Variants in GCNT1 observed in about 807,000 individuals in gnomAD.
The protein encoded by GCNT1 is glucosaminyl (N-acetyl) transferase 1.
In GCNT1, 16 loss-of-function variants were observed where a neutral mutation model predicts 26.2. The ratio of observed to expected loss-of-function variants is 0.61; its 90% confidence interval spans 0.41 to 0.93. GCNT1 has a LOEUF of 0.93. Among genes scored for constraint, GCNT1 ranks in the 40% least tolerant of loss-of-function variants. The probability of loss-of-function intolerance (pLI) is 0.00; values close to 1 mark genes in which losing one functional copy is unlikely to be tolerated. For missense variants in GCNT1, 477 were observed against 526.7 expected (o/e 0.91, Z 0.92); for synonymous variants, 183 against 190.8 (o/e 0.96, Z 0.34).
the GCNT1 span, chr9:76,393,869 C>G: frequency 1.8e-6 from 1 of 551,362 alleles, no homozygotes; most frequent in Non-Finnish European, 3.2e-6. Context: ...CTCACCACCC[C>G]TCAACCCCGT....
intron 1 of GCNT1, among the ~76,000 whole-genome samples, chr9:76,421,897 A>G (rs1212353132): frequency 6.6e-6 from 1 of 151,818 alleles, no homozygotes; most frequent in African/African-American, 2.4e-5. Flanking sequence ...TTTTACCGTT[A>G]TGTTAGTTCA....
the GCNT1 span, among the ~76,000 whole-genome samples, chr9:76,412,551 A>T: frequency 6.6e-6 from 1 of 152,140 alleles, no homozygotes; most frequent in Non-Finnish European, 1.5e-5. Flanking sequence ...TCTAGTTGGG[A>T]GTTTTTTTCT....
upstream of GCNT1, among the ~76,000 whole-genome samples, chr9:76,458,780 G>GA (rs769290928): frequency 6.6e-6 from 1 of 151,942 alleles, no homozygotes; most frequent in Non-Finnish European, 1.5e-5. Context: ...TTAGGGGAGA[G>GA]AAAAAAACAC....
chr9:76,486,106 C>G (rs999200257), intron 2 of GCNT1, among the ~76,000 whole-genome samples: 1 of 152,216 alleles, frequency 6.6e-6, no homozygotes, highest in Non-Finnish European at 1.5e-5. Context: ...AAGCCTAGCT[C>G]TTCTGCTTAC....
At chr9:76,413,676 T>G in the GCNT1 span, among the ~76,000 whole-genome samples, 16 of 150,318 alleles carry the variant, frequency 1.1e-4, no homozygotes, top group South Asian at 8.3e-4. Context: ...TTGTTTTTTT[T>G]TTTTTTTTGG....
At chr9:76,498,050 C>G (rs895106733) in intron 2 of GCNT1, among the ~76,000 whole-genome samples, 1 of 152,128 alleles carries the variant, frequency 6.6e-6, no homozygotes, top group African/African-American at 2.4e-5. Flanking sequence ...TATGGATTTG[C>G]TTTTTCTGGA....
chr9:76,438,092 A>G (rs1292503735), upstream of GCNT1, among the ~76,000 whole-genome samples: 3 of 152,224 alleles, frequency 2.0e-5, no homozygotes, highest in Non-Finnish European at 4.4e-5. Context: ...CAATTTAGAG[A>G]CTTTATTTTG....
chr9:76,499,966 A>C (rs527401163), intron 2 of GCNT1, among the ~76,000 whole-genome samples: 17 of 152,134 alleles, frequency 1.1e-4, no homozygotes, highest in African/African-American at 4.1e-4. Flanking sequence ...TAGATACCAT[A>C]CTCGTGCTTT....
intron 2 of GCNT1, among the ~76,000 whole-genome samples, chr9:76,469,644 A>G (rs1297314868): frequency 6.6e-6 from 1 of 152,172 alleles, no homozygotes; most frequent in Non-Finnish European, 1.5e-5. Context: ...CAGACCTGCC[A>G]CTGACTTCCA....
intron 2 of GCNT1, among the ~76,000 whole-genome samples, chr9:76,496,148 A>T (rs1047374499): frequency 1.3e-5 from 2 of 152,204 alleles, no homozygotes; most frequent in Admixed American, 6.5e-5. Context: ...TCTGGATGGG[A>T]ACTGCTTTCC....
the GCNT1 span, among the ~76,000 whole-genome samples, chr9:76,396,254 T>G: frequency 2.8e-3 from 433 of 152,326 alleles, no homozygotes; most frequent in Non-Finnish European, 4.7e-3. Context: ...CACTGTCTCA[T>G]GTAATCCTCT....
At chr9:76,423,134 C>T (rs999709944) in intron 1 of GCNT1, among the ~76,000 whole-genome samples, 8 of 152,294 alleles carry the variant, frequency 5.3e-5, no homozygotes, top group African/African-American at 1.7e-4. Context: ...CTAACTTAGT[C>T]GTCCATGATC....
At chr9:76,462,571 A>T (rs993928555) in intron 2 of GCNT1, among the ~76,000 whole-genome samples, 2 of 152,322 alleles carry the variant, frequency 1.3e-5, no homozygotes, top group East Asian at 1.9e-4. Flanking sequence ...ACATAGGCAA[A>T]TGTTCCCCGG....
upstream of GCNT1, among the ~76,000 whole-genome samples, chr9:76,417,125 A>G (rs1490225215): frequency 6.6e-6 from 1 of 152,328 alleles, no homozygotes; most frequent in Non-Finnish European, 1.5e-5. Context: ...GAGTTAAGAA[A>G]TGTTTTCTTT....
upstream of GCNT1, among the ~76,000 whole-genome samples, chr9:76,440,408 C>T (rs1248292787): frequency 1.3e-5 from 2 of 152,216 alleles, no homozygotes; most frequent in African/African-American, 4.8e-5. Context: ...ATGAAGGTGA[C>T]ATCAATCTAC....
the GCNT1 span, among the ~76,000 whole-genome samples, chr9:76,400,137 T>C: frequency 6.6e-6 from 1 of 152,206 alleles, no homozygotes; most frequent in African/African-American, 2.4e-5. Context: ...AACTATTCTG[T>C]ATGATACTGT....
chr9:76,464,812 A>G (rs1287593828), intron 2 of GCNT1, among the ~76,000 whole-genome samples: 3 of 152,222 alleles, frequency 2.0e-5, no homozygotes, highest in East Asian at 3.9e-4. Flanking sequence ...TCTCTCTCAC[A>G]TTTTCTCAAA....
intron 1 of GCNT1, among the ~76,000 whole-genome samples, chr9:76,444,357 GA>G: frequency 6.6e-6 from 1 of 152,234 alleles, no homozygotes; most frequent in South Asian, 2.1e-4. Context: ...GGGCTGTAGA[GA>G]AAAAAGAAGA....
chr9:76,428,265 C>CAAAAAAAAAAAAAAAAAAAAAAAA (rs869195487), intron 1 of GCNT1, among the ~76,000 whole-genome samples: 3 of 29,772 alleles, frequency 1.0e-4, no homozygotes, highest in African/African-American at 3.0e-4. Flanking sequence ...GACTCCGTCT[C>CAAAAAAAAAAAAAAAAAAAAAAAA]AAAAAAAAAA....
Sources: gnomAD v4.1 joint callset for allele counts (sites outside exome capture counted in the v4.1 genomes callset) on GRCh38, gnomAD v4.1.1 for gene constraint, MANE v1.5 for transcripts, NCBI Gene and HGNC (gene_info 2026-07-23, HGNC 2026-07-21) for gene names.